The following IL31RA variants were observed in gnomAD, a reference collection of about 807,000 sequenced individuals.
IL31RA encodes the protein interleukin 31 receptor A, also known as interleukin-31 receptor subunit alpha.
A neutral mutation model predicts 83.7 loss-of-function variants in IL31RA; 66 were observed. The ratio of observed to expected loss-of-function variants is 0.79; its 90% CI spans 0.65 to 0.97. The LOEUF is 0.97. Ranked by LOEUF, IL31RA falls within the 50% of genes least tolerant of loss-of-function variation. The pLI is 0.00. For missense variants in IL31RA, 798 were observed against 919.4 expected (o/e 0.87, Z 1.71); for synonymous variants, 325 against 329.0 (o/e 0.99, Z 0.13).
At chr5:55,908,211 C>T (rs960957531) in intron 10 of IL31RA, 54 bp from the exon 11 acceptor site, 18 of 1,610,342 alleles carry the variant, frequency 1.1e-5, no homozygotes, top group South Asian at 6.6e-5. Context: ...TGTGGGGGAA[C>T]GATCTCCTGG....
At chr5:55,883,953 C>T (rs544426868) in intron 5 of IL31RA, among the ~76,000 whole-genome samples, 74 of 152,316 alleles carry the variant, frequency 4.9e-4, no homozygotes, top group Non-Finnish European at 9.0e-4. Flanking sequence ...GTAGTTTATA[C>T]ATTTTCATTG....
the IL31RA span, among the ~76,000 whole-genome samples, chr5:55,842,536 A>G: frequency 6.6e-6 from 1 of 152,190 alleles, no homozygotes; most frequent in Non-Finnish European, 1.5e-5. Flanking sequence ...TTCAATTAAC[A>G]TGTTCTGCTG....
In IL31RA at chr5:55,907,151, C is replaced by T. The variant is rs536229456; in HGVS notation, c.1253-208C>T. Among the ~76,000 whole-genome samples the T allele has an allele frequency of 3.3e-5, 5 of 152,242 alleles. No individual in the cohort carries two copies. In the South Asian group the frequency reaches 1.0e-3, roughly 32 times the overall value. ...CTCCAAAAAATAAAAAGCTAAAAAG[C>T]TAAATTTAAAAATAAGAATTAGTTA... On this transcript the variant is annotated intron_variant, in intron 9 of 14. Transcript: ENST00000652347.
Position 55,852,682 on chromosome 5 carries a change from G to A in IL31RA, c.63+1049G>A, listed in dbSNP as rs188232583. On this transcript the variant is annotated intron_variant, in intron 1 of 14. Coordinates refer to ENST00000652347, the MANE Select transcript of IL31RA (RefSeq NM_139017.7). ...CTCTTCCCCGGTCTATTTATTTCTC[G>A]TGGTTTTGTCAGTCCATTACAAACG... 1.7e-3 allele frequency among the ~76,000 whole-genome samples: 265 copies of A among 152,134 alleles called. 1 individual carries two copies. Among genetic ancestry groups the A allele is most frequent in the Non-Finnish European group, 3.1e-3 (209 of 67,982 alleles).
At chr5:55,862,921 A>G (rs983541585) in intron 2 of IL31RA, among the ~76,000 whole-genome samples, 1 of 152,144 alleles carries the variant, frequency 6.6e-6, no homozygotes, top group East Asian at 1.9e-4. Context: ...TCACAATTTT[A>G]CCCATGTTTG....
chr5:55,862,281 T>C (rs2112317367), intron 2 of IL31RA, among the ~76,000 whole-genome samples: 1 of 152,352 alleles, frequency 6.6e-6, no homozygotes, highest in South Asian at 2.1e-4. Context: ...ATTGTTACTA[T>C]CTTATAATAC....
intron 6 of IL31RA, among the ~76,000 whole-genome samples, chr5:55,891,229 G>A (rs1343983568): frequency 1.3e-5 from 2 of 152,124 alleles, no homozygotes; most frequent in Non-Finnish European, 2.9e-5. Context: ...ACAGCTCAGG[G>A]TCACTCAGCA....
intron 5 of IL31RA, among the ~76,000 whole-genome samples, chr5:55,885,386 C>T (rs73118465): frequency 0.028 from 4,283 of 151,972 alleles, 120 homozygotes; most frequent in African/African-American, 0.067. Flanking sequence ...ATTTATTGGG[C>T]GAAAAGGAAA....
At chr5:55,864,652 C>T (rs1184425744) in intron 2 of IL31RA, among the ~76,000 whole-genome samples, 1 of 150,832 alleles carries the variant, frequency 6.6e-6, no homozygotes, top group Non-Finnish European at 1.5e-5. Flanking sequence ...CACCAACACG[C>T]TCCAGCGGAC....
intron 6 of IL31RA, among the ~76,000 whole-genome samples, chr5:55,895,300 T>C (rs913035932): frequency 1.2e-4 from 19 of 152,176 alleles, no homozygotes; most frequent in African/African-American, 4.6e-4. Context: ...CTAAGGTGGG[T>C]GGGTCGTTCT....
the IL31RA span, among the ~76,000 whole-genome samples, chr5:55,842,755 C>T: frequency 2.0e-5 from 3 of 152,182 alleles, no homozygotes; most frequent in Non-Finnish European, 4.4e-5. Context: ...AGTTTTGCTT[C>T]CGCAGTGTCA....
chr5:55,883,206 C>T lies in IL31RA; in HGVS notation c.606+11C>T, dbSNP rs187951248. On this transcript the variant is annotated intron_variant, in intron 5 of 14. Coordinates refer to ENST00000652347, the MANE Select transcript of IL31RA (RefSeq NM_139017.7). The stretch of plus-strand genomic sequence containing the variant: ...AACAGTACCAGCTGGGTAAGTTATG[C>T]CATTATAATAATATTCCAATTAGAG... 2.0e-4 allele frequency: 316 copies of T among 1,604,356 alleles called. No homozygotes were observed. In the African/African-American group the frequency reaches 4.1e-3, roughly 21 times the overall value.
chr5:55,898,578 T>C (rs1748583186), intron 7 of IL31RA, among the ~76,000 whole-genome samples: 1 of 150,884 alleles, frequency 6.6e-6, no homozygotes, highest in African/African-American at 2.4e-5. Flanking sequence ...TTTAAAAAGA[T>C]TTTAAATAAC....
intron 1 of IL31RA, among the ~76,000 whole-genome samples, chr5:55,857,950 C>T (rs746978734): frequency 6.6e-6 from 1 of 152,154 alleles, no homozygotes; most frequent in Non-Finnish European, 1.5e-5. Flanking sequence ...CTCAGGCAGT[C>T]TCAATTTCTA....
At chr5:55,879,425 C>CTTTTTTTCTTTT (rs1747056689) in intron 4 of IL31RA, among the ~76,000 whole-genome samples, 2 of 45,800 alleles carry the variant, frequency 4.4e-5, no homozygotes, top group African/African-American at 1.9e-4. Context: ...AGTTTCTGTC[C>CTTTTTTTCTTTT]TTTTTTTTTT....
In IL31RA at chr5:55,890,067, G is replaced by A. The variant is rs1303041581; in HGVS notation, c.704G>A (p.Cys235Tyr). ...PFTEYVIALR[C>Y]AVKESKFWSD... The stretch of plus-strand genomic sequence containing the variant: ...ACAGAATATGTCATAGCTCTGCGAT[G>A]TGCGGTCAAGGAGTCAAAGTTCTGG... The change falls in exon 6 of 15, where the codon TGT (cysteine) becomes TAT (tyrosine). Residue 235 changes from cysteine to tyrosine, a missense_variant. By Grantham distance (194) the Cys-to-Tyr change is radical. Coordinates refer to ENST00000652347, the MANE Select transcript of IL31RA (RefSeq NM_139017.7). 10 of 1,614,040 alleles carry A rather than the reference G, an allele frequency of 6.2e-6. No homozygotes were observed. The highest frequency in any genetic ancestry group is 2.2e-5 in the East Asian group (1 of 44,878).
Position 55,913,517 on chromosome 5 carries a change from A to C in IL31RA, c.1683A>C (p.Gly561=). The change falls in exon 13 of 15, where the codon GGA becomes GGC. Residue 561 remains glycine (G), a synonymous_variant. Coordinates refer to ENST00000652347, the MANE Select transcript of IL31RA (RefSeq NM_139017.7). Reference sequence around the variant, plus strand: ...TCCTCATAACTTCTCTGATTGGTGGAGGCCTTCTTATTCTCATTATCCTGA... The same window carrying C: ...TCCTCATAACTTCTCTGATTGGTGGCGGCCTTCTTATTCTCATTATCCTGA... ...EIILITSLIG[G]GLLILIILTV... is the part of the protein sequence containing the mutation. 6.2e-7 allele frequency: 1 copy of C among 1,613,678 alleles called. No individual in the cohort carries two copies. The highest frequency in any genetic ancestry group is 8.5e-7 in the Non-Finnish European group (1 of 1,179,582).
chr5:55,863,229 A>C (rs1252857833), intron 2 of IL31RA, among the ~76,000 whole-genome samples: 3 of 152,278 alleles, frequency 2.0e-5, no homozygotes, highest in African/African-American at 7.2e-5. Flanking sequence ...ATGCAGAATT[A>C]AAATGTCATG....
chr5:55,894,078 A>G (rs1206954677), intron 6 of IL31RA, among the ~76,000 whole-genome samples: 1 of 152,080 alleles, frequency 6.6e-6, no homozygotes, highest in Non-Finnish European at 1.5e-5. Flanking sequence ...TCTATCCTTG[A>G]GATGAATATT....
Sources: allele counts gnomAD v4.1 joint callset (sites outside exome capture counted in the v4.1 genomes callset), GRCh38; gene constraint gnomAD v4.1.1; transcripts MANE v1.5; gene names NCBI Gene and HGNC (gene_info 2026-07-23, HGNC 2026-07-21).